AGPAT1: variants seen among roughly 807,000 people sequenced by gnomAD.
AGPAT1 encodes the protein 1-acylglycerol-3-phosphate O-acyltransferase 1.
Under a neutral mutation model 31.2 loss-of-function variants are expected in AGPAT1, and 6 were observed. That is an observed-to-expected ratio of 0.19 (90% confidence interval 0.11 to 0.38). The LOEUF (loss-of-function observed/expected upper bound fraction) is 0.38, where lower values mean the gene tolerates loss of function less well. Ranked by LOEUF, AGPAT1 falls within the 10% of genes least tolerant of loss-of-function variation. AGPAT1 has a pLI of 1.00. For missense variants in AGPAT1, 187 were observed against 377.8 expected (o/e 0.49, Z 4.19); for synonymous variants, 139 against 154.0 (o/e 0.90, Z 0.72).
In AGPAT1 at chr6:32,174,882, G is replaced by A. The variant is rs997691637; in HGVS notation, c.-10+932C>T. ...CACATTCTATGGTCCTGTTACATCA[G>A]TGTATCATGCAAAGGCGCATACACA... On this transcript the variant is annotated intron_variant, in intron 1 of 6. Coordinates refer to ENST00000375107, the MANE Select transcript of AGPAT1 (RefSeq NM_006411.4). The surrounding 1 kb of genome is among the most constrained non-coding windows in gnomAD (Gnocchi z 4.5). Among the ~76,000 whole-genome samples the A allele has an allele frequency of 1.3e-4, 20 of 152,332 alleles. No individual in the cohort carries two copies. Among genetic ancestry groups the A allele is most frequent in the African/African-American group, 4.8e-4 (20 of 41,566 alleles).
In AGPAT1 at chr6:32,174,257, A is replaced by C. The variant is rs1467183376; in HGVS notation, c.-10+1557T>G. On this transcript the variant is annotated intron_variant, in intron 1 of 6. Coordinates refer to ENST00000375107, the MANE Select transcript of AGPAT1 (RefSeq NM_006411.4). The surrounding 1 kb of genome is among the most constrained non-coding windows in gnomAD (Gnocchi z 4.5). ...TATACCCACCCATAGAGCCACAGTTAATGACAGAGATGGCGGTTCTGATCA... is the reference window on the plus strand; with the variant it reads ...TATACCCACCCATAGAGCCACAGTTCATGACAGAGATGGCGGTTCTGATCA... Among the ~76,000 whole-genome samples, 3 of 152,328 alleles carry C rather than the reference A, an allele frequency of 2.0e-5. No individual in the cohort carries two copies. Among genetic ancestry groups the C allele is most frequent in the Middle Eastern group, 3.4e-3 (1 of 294 alleles).
rs1375390583 is a variant in AGPAT1, at chr6:32,172,227, G to A, written c.-9-722C>T. 6.6e-6 allele frequency among the ~76,000 whole-genome samples: 1 copy of A among 151,924 alleles called. No individual in the cohort carries two copies. Among genetic ancestry groups the A allele is most frequent in the Non-Finnish European group, 1.5e-5 (1 of 68,002 alleles). The stretch of plus-strand genomic sequence containing the variant: ...CTCGGGAGGCTGAGGCAGGAGAATC[G>A]CTTGAATCCGGGAGGCGGAGGTTGC... On this transcript the variant is annotated intron_variant, in intron 1 of 6. Coordinates refer to ENST00000375107, the MANE Select transcript of AGPAT1 (RefSeq NM_006411.4). This position sits in a 1 kb window ranked among gnomAD's most constrained non-coding sequence, Gnocchi z 4.3.
Position 32,172,396 on chromosome 6 carries a change from C to A in AGPAT1, c.-9-891G>T, listed in dbSNP as rs1014604432. The stretch of plus-strand genomic sequence containing the variant: ...ACTAAAATTAATTTCACTCTTTTTG[C>A]CTTGTAAAAATGTGGCTACCATAAA... On this transcript the variant is annotated intron_variant, in intron 1 of 6. Coordinates refer to ENST00000375107, the MANE Select transcript of AGPAT1 (RefSeq NM_006411.4). The surrounding 1 kb of genome is among the most constrained non-coding windows in gnomAD (Gnocchi z 4.3). Among the ~76,000 whole-genome samples the A allele has an allele frequency of 1.3e-5, 2 of 151,632 alleles. No homozygotes were observed. Among genetic ancestry groups the A allele is most frequent in the Admixed American group, 6.6e-5 (1 of 15,238 alleles).
At position 32,171,173 on chromosome 6, in the gene AGPAT1, C is replaced by T. The variant is rs978090696; in HGVS notation, c.201-103G>A. 4 of 1,588,896 alleles carry T rather than the reference C, an allele frequency of 2.5e-6. No homozygotes were observed. The highest frequency in any genetic ancestry group is 2.2e-5 in the East Asian group (1 of 44,612). On this transcript the variant is annotated intron_variant, in intron 2 of 6. Coordinates refer to ENST00000375107, the MANE Select transcript of AGPAT1 (RefSeq NM_006411.4). The surrounding 1 kb of genome is among the most constrained non-coding windows in gnomAD (Gnocchi z 6.9). ...TCTTTCTGACCACCTTTGCAGTCCT[C>T]TCCCCATTCCCTGTCTCTGGTCTCT...
rs115344295 is a variant in AGPAT1, at chr6:32,171,561, G to C, written c.-9-56C>G. The C allele has an allele frequency of 5.4e-4, 836 of 1,533,982 alleles. 4 individuals carry two copies. In the African/African-American group the frequency reaches 9.5e-3, roughly 17 times the overall value. On this transcript the variant is annotated intron_variant, in intron 1 of 6. Transcript: ENST00000375107. The surrounding 1 kb of genome is among the most constrained non-coding windows in gnomAD (Gnocchi z 6.9). ...CTGGTTTCTGGAGGAGAGTGGGGTA[G>C]GCAAGGCACAGAAGGCAGGGCTGGG...
rs779407836 is a variant in AGPAT1 at position 32,168,453 on chromosome 6, A to G, written c.*823T>C. On this transcript the variant is annotated 3_prime_UTR_variant, in exon 7 of 7. Transcript: ENST00000375107. The surrounding 1 kb of genome is among the most constrained non-coding windows in gnomAD (Gnocchi z 4.5). ...AATTAAAAGCCCTCCTATCCCCTCC[A>G]GCCAGGGTTCGTTCCTTTCCCCAAC... The G allele has an allele frequency of 6.4e-6, 1 of 156,836 alleles. No homozygotes were observed. The highest frequency in any genetic ancestry group is 1.4e-5 in the Non-Finnish European group (1 of 70,974). 9.7% of individuals were successfully genotyped at this position (156,836 alleles called of 1,614,324 possible).
chr6:32,168,249 T>C lies in AGPAT1; in HGVS notation c.*1027A>G. 2.3e-6 allele frequency: 1 copy of C among 432,298 alleles called. No individual in the cohort carries two copies. The highest frequency in any genetic ancestry group is 4.1e-6 in the Non-Finnish European group (1 of 241,620). 26.8% of individuals were successfully genotyped at this position (432,298 alleles called of 1,614,324 possible). Reference sequence around the variant, plus strand: ...TTTATTTTCAGTTTTTTTGCTGTTATCCAGATAATTAATAAAAACCAACCA... The same window carrying C: ...TTTATTTTCAGTTTTTTTGCTGTTACCCAGATAATTAATAAAAACCAACCA... On this transcript the variant is annotated 3_prime_UTR_variant, in exon 7 of 7. Coordinates refer to ENST00000375107, the MANE Select transcript of AGPAT1 (RefSeq NM_006411.4). This position sits in a 1 kb window ranked among gnomAD's most constrained non-coding sequence, Gnocchi z 4.5.
At position 32,170,831 on chromosome 6, in the gene AGPAT1, G is replaced by T; in HGVS notation, c.334+106C>A. 7.0e-7 allele frequency: 1 copy of T among 1,437,496 alleles called. No homozygotes were observed. Among genetic ancestry groups the T allele is most frequent in the Non-Finnish European group, 9.6e-7 (1 of 1,044,842 alleles). The allele number at this position is 1,437,496 out of a possible 1,614,324, so 89.0% of individuals were successfully genotyped here. ...CCTGAGTGGGAGGCAAGGGGGCAAT[G>T]TCCCAGAGGAAGGGGAATTGAGGAT... On this transcript the variant is annotated intron_variant, in intron 3 of 6. Coordinates refer to ENST00000375107, the MANE Select transcript of AGPAT1 (RefSeq NM_006411.4). The surrounding 1 kb of genome is among the most constrained non-coding windows in gnomAD (Gnocchi z 7.7).
Position 32,171,943 on chromosome 6 carries a change from A to C in AGPAT1, c.-9-438T>G. The stretch of plus-strand genomic sequence containing the variant: ...GATGTGCTGGAAATGTAAAATACAC[A>C]TCAGATTTCAAAGACTGAATAAAAA... On this transcript the variant is annotated intron_variant, in intron 1 of 6. Coordinates refer to ENST00000375107, the MANE Select transcript of AGPAT1 (RefSeq NM_006411.4). This position sits in a 1 kb window ranked among gnomAD's most constrained non-coding sequence, Gnocchi z 6.9. The C allele has an allele frequency of 5.0e-6, 1 of 198,978 alleles. No individual in the cohort carries two copies. The highest frequency in any genetic ancestry group is 1.0e-5 in the Non-Finnish European group (1 of 96,494). The allele number at this position is 198,978 out of a possible 1,614,324, so 12.3% of individuals were successfully genotyped here.
chr6:32,175,432 G>A lies in AGPAT1; in HGVS notation c.-10+382C>T, dbSNP rs1040016132. 2.0e-5 allele frequency among the ~76,000 whole-genome samples: 3 copies of A among 152,136 alleles called. No homozygotes were observed. Among genetic ancestry groups the A allele is most frequent in the African/African-American group, 7.2e-5 (3 of 41,418 alleles). On this transcript the variant is annotated intron_variant, in intron 1 of 6. Transcript: ENST00000375107. The surrounding 1 kb of genome is among the most constrained non-coding windows in gnomAD (Gnocchi z 4.5). ...GGTCCTGTGCCTAGATGGAAACAGA[G>A]GCACCTAAGGGTATTCCTAAGAGGC...
Position 32,169,536 on chromosome 6 carries a change from A to G in AGPAT1, c.680-88T>C, listed in dbSNP as rs2127411159. On this transcript the variant is annotated intron_variant, in intron 6 of 6. Transcript: ENST00000375107. This position sits in a 1 kb window ranked among gnomAD's most constrained non-coding sequence, Gnocchi z 5.9. ...AGCTTCCGAGTGATACTCTTCCTCA[A>G]CCTTTCAGTTCTCTTCCCCCAACCC... 2.0e-6 allele frequency: 3 copies of G among 1,494,128 alleles called. No individual in the cohort carries two copies. Among genetic ancestry groups the G allele is most frequent in the Admixed American group, 1.8e-5 (1 of 55,794 alleles). 92.6% of individuals were successfully genotyped at this position (1,494,128 alleles called of 1,614,324 possible).
In AGPAT1 at chr6:32,170,986, C is replaced by A. The variant is rs150973441; in HGVS notation, c.285G>T (p.Ser95=). ...EVRGAHHFPP[S]QPYVVVSNHQ... ...GGTTGGAGACAACAACATAGGGCTGCGAGGGAGGGAAGTGGTGAGCCCCTC... is the reference window on the plus strand; with the variant it reads ...GGTTGGAGACAACAACATAGGGCTGAGAGGGAGGGAAGTGGTGAGCCCCTC... The change falls in exon 3 of 7, where the codon TCG becomes TCT. Residue 95 remains serine, a synonymous_variant. Transcript: ENST00000375107. This position sits in a 1 kb window ranked among gnomAD's most constrained non-coding sequence, Gnocchi z 7.7. 22 of 1,612,374 alleles carry A rather than the reference C, an allele frequency of 1.4e-5. No homozygotes were observed. The Admixed American group carries it at 3.0e-4, about 22-fold the overall frequency.
At position 32,176,017 on chromosome 6, in the gene AGPAT1, G is replaced by C; in HGVS notation, c.-213C>G. On this transcript the variant is annotated 5_prime_UTR_variant, in exon 1 of 7. Coordinates refer to ENST00000375107, the MANE Select transcript of AGPAT1 (RefSeq NM_006411.4). ...ATAGCGGTAGGAATGGTGGGGGGCT[G>C]TCCCCCCAGCACCCTCCCTCCCTCC... 1 of 984,924 alleles carries C rather than the reference G, an allele frequency of 1.0e-6. No individual in the cohort carries two copies. The highest frequency in any genetic ancestry group is 1.2e-6 in the Non-Finnish European group (1 of 829,638). 61.0% of individuals were successfully genotyped at this position (984,924 alleles called of 1,614,324 possible).
rs189255699 is a variant in AGPAT1, at chr6:32,172,784, C to T, written c.-9-1279G>A. 1.1e-3 allele frequency among the ~76,000 whole-genome samples: 166 copies of T among 152,328 alleles called. No homozygotes were observed. The highest frequency in any genetic ancestry group is 6.8e-3 in the Middle Eastern group (2 of 294). ...TAAAAGTTCGTGTCACTAATGCCAA[C>T]AGACACACAGTCATACAAAGACTAA... On this transcript the variant is annotated intron_variant, in intron 1 of 6. Coordinates refer to ENST00000375107, the MANE Select transcript of AGPAT1 (RefSeq NM_006411.4). This position sits in a 1 kb window ranked among gnomAD's most constrained non-coding sequence, Gnocchi z 4.3.
At position 32,172,168 on chromosome 6, in the gene AGPAT1, C is replaced by T. The variant is rs1043747020; in HGVS notation, c.-9-663G>A. On this transcript the variant is annotated intron_variant, in intron 1 of 6. Transcript: ENST00000375107. This position sits in a 1 kb window ranked among gnomAD's most constrained non-coding sequence, Gnocchi z 4.3. ...CTCTACTAAAAATACAAAAATTAGC[C>T]GGGCCTGTTGGCGCATGCCTTTAAT... Among the ~76,000 whole-genome samples, 3 of 152,090 alleles carry T rather than the reference C, an allele frequency of 2.0e-5. No homozygotes were observed. Among genetic ancestry groups the T allele is most frequent in the South Asian group, 2.1e-4 (1 of 4,820 alleles).
At position 32,168,325 on chromosome 6, in the gene AGPAT1, T is replaced by A; in HGVS notation, c.*951A>T. The A allele has an allele frequency of 4.0e-6, 1 of 252,770 alleles. No individual in the cohort carries two copies. Among genetic ancestry groups the A allele is most frequent in the Non-Finnish European group, 7.7e-6 (1 of 130,682 alleles). 15.7% of individuals were successfully genotyped at this position (252,770 alleles called of 1,614,324 possible). ...TTTTGCTCCCAGCCTACCTCCCCAG[T>A]TGTGGGAACAGGTCTGGAGTGAGAG... On this transcript the variant is annotated 3_prime_UTR_variant, in exon 7 of 7. Transcript: ENST00000375107. This position sits in a 1 kb window ranked among gnomAD's most constrained non-coding sequence, Gnocchi z 4.5.
At chr6:32,177,435 C>T (rs1785670392), upstream of AGPAT1, 1 of 233,372 alleles carries the variant, frequency 4.3e-6, no homozygotes, top group Non-Finnish European at 8.3e-6. Context: ...GAGCCCAGAG[C>T]TTTCCTGCTC....
At position 32,170,579 on chromosome 6, in the gene AGPAT1, C is replaced by A; in HGVS notation, c.356G>T (p.Gly119Val). The stretch of plus-strand genomic sequence containing the variant: ...GCGCTTGGCAATGGGCACACAGCGG[C>A]CTGGCAGTACCTCCATCATCCCTTG... ...DLLGMMEVLP[G>V]RCVPIAKREL... Residue 119 changes from glycine to valine, a missense_variant, in exon 4 of 7, where the codon GGC becomes GTC. Physicochemically the swap from Gly to Val is moderately radical, Grantham distance 109. Coordinates refer to ENST00000375107, the MANE Select transcript of AGPAT1 (RefSeq NM_006411.4). This position sits in a 1 kb window ranked among gnomAD's most constrained non-coding sequence, Gnocchi z 7.7. 1 of 1,612,206 alleles carries A rather than the reference C, an allele frequency of 6.2e-7. No homozygotes were observed. The highest frequency in any genetic ancestry group is 8.5e-7 in the Non-Finnish European group (1 of 1,180,030).
In AGPAT1 at chr6:32,170,400, C is replaced by G. The variant is rs772156441; in HGVS notation, c.510+25G>C. ...CTGTTCTACTCTGTATCCCTCCAATCCCCCATTTCCCCAGGATGACTCACG... is the reference window on the plus strand; with the variant it reads ...CTGTTCTACTCTGTATCCCTCCAATGCCCCATTTCCCCAGGATGACTCACG... On this transcript the variant is annotated intron_variant, in intron 4 of 6. Coordinates refer to ENST00000375107, the MANE Select transcript of AGPAT1 (RefSeq NM_006411.4). This position sits in a 1 kb window ranked among gnomAD's most constrained non-coding sequence, Gnocchi z 7.7. The G allele has an allele frequency of 3.7e-5, 60 of 1,613,592 alleles. No individual in the cohort carries two copies. Among genetic ancestry groups the G allele is most frequent in the Non-Finnish European group, 4.2e-6 (5 of 1,179,944 alleles).
Sources: allele counts gnomAD v4.1 joint callset (sites outside exome capture counted in the v4.1 genomes callset), GRCh38; gene constraint gnomAD v4.1.1; non-coding constraint Gnocchi (gnomAD v3.1); transcripts MANE v1.5; gene names NCBI Gene and HGNC (gene_info 2026-07-23, HGNC 2026-07-21).